Variants in CIT observed in about 807,000 individuals in gnomAD.
The protein encoded by CIT is citron rho-interacting serine/threonine kinase.
CIT carries 79 observed loss-of-function variants against 272.7 expected under a neutral mutation model. The observed-to-expected ratio is 0.29, with a 90% CI of 0.24 to 0.35. The LOEUF is 0.35. Among genes scored for constraint, CIT ranks in the 10% least tolerant of loss-of-function variants. CIT has a pLI of 1.00. For missense variants in CIT, 1,909 were observed against 2,618.3 expected (o/e 0.73, Z 5.91); for synonymous variants, 948 against 995.6 (o/e 0.95, Z 0.90).
At chr12:119,716,448 A>G (rs1440389577) in intron 32 of CIT, among the ~76,000 whole-genome samples, 1 of 151,148 alleles carries the variant, frequency 6.6e-6, no homozygotes, top group Non-Finnish European at 1.5e-5. Context: ...TTATATAAAC[A>G]CAGGAGGAAG....
rs572596420 is a variant in CIT at position 119,764,477 on chromosome 12, G to A, written c.2304+2610C>T. On this transcript the variant is annotated intron_variant, in intron 19 of 47. Coordinates refer to ENST00000392521, the MANE Select transcript of CIT (RefSeq NM_001206999.2). ...CAGAAAATTTAAAAATTACCCAGGC[G>A]TGGTGGCATGCACCTATAGTCCCAG... Among the ~76,000 whole-genome samples, 23 of 151,952 alleles carry A rather than the reference G, an allele frequency of 1.5e-4. No individual in the cohort carries two copies. The South Asian group carries it at 2.3e-3, about 15-fold the overall frequency.
chr12:119,783,638 G>A (rs1428887229), intron 12 of CIT: 4 of 286,970 alleles, frequency 1.4e-5, no homozygotes, highest in African/African-American at 2.2e-5. Flanking sequence ...TGCAACTTGC[G>A]GCAAAGATGG....
chr12:119,834,354 A>G, intron 5 of CIT, 126 bp from the exon 6 acceptor site: 1 of 825,274 alleles, frequency 1.2e-6, no homozygotes, highest in Non-Finnish European at 1.9e-6. Context: ...GAAGATGTGT[A>G]AGGCACGCTG....
In CIT at chr12:119,694,192, T is replaced by C. The variant is rs574924632; in HGVS notation, c.5882+3467A>G. ...CTTCAGGGCAGAAAACTCCACACTG[T>C]CCATCAGATTTACAAATCCACATCA... On this transcript the variant is annotated intron_variant, in intron 46 of 47. Coordinates refer to ENST00000392521, the MANE Select transcript of CIT (RefSeq NM_001206999.2). This position sits in a 1 kb window ranked among gnomAD's most constrained non-coding sequence, Gnocchi z 4.5. Among the ~76,000 whole-genome samples, 5 of 152,296 alleles carry C rather than the reference T, an allele frequency of 3.3e-5. No homozygotes were observed. In the East Asian group the frequency reaches 9.7e-4, roughly 29 times the overall value.
chr12:119,833,663 CAAAAAAAA>C (rs35433156), intron 6 of CIT, among the ~76,000 whole-genome samples: 12 of 83,846 alleles, frequency 1.4e-4, no homozygotes, highest in South Asian at 4.2e-4. Context: ...GACTCTGTCT[CAAAAAAAA>C]AAAAAAAAAA....
At chr12:119,824,774 C>T (rs1311650859) in intron 8 of CIT, among the ~76,000 whole-genome samples, 1 of 152,108 alleles carries the variant, frequency 6.6e-6, no homozygotes, top group African/African-American at 2.4e-5. Flanking sequence ...CATTCATTCA[C>T]ACAATTTTTT....
At chr12:119,776,481 T>C in intron 14 of CIT, 73 bp from the exon 15 acceptor site, 3 of 1,316,740 alleles carry the variant, frequency 2.3e-6, no homozygotes, top group Non-Finnish European at 2.2e-6. Flanking sequence ...ACTTTCTTGG[T>C]CTCTGTGACC....
rs773233219 is a variant in CIT at position 119,758,720 on chromosome 12, T to C, written c.2422-20A>G. On this transcript the variant is annotated intron_variant, in intron 20 of 47. Coordinates refer to ENST00000392521, the MANE Select transcript of CIT (RefSeq NM_001206999.2). ...GATCATCTGAAACACAGGGCACCTATGAAACTTCACACACCAGAACAGGAG... is the reference window on the plus strand; with the variant it reads ...GATCATCTGAAACACAGGGCACCTACGAAACTTCACACACCAGAACAGGAG... The C allele has an allele frequency of 6.6e-6, 10 of 1,508,536 alleles. No individual in the cohort carries two copies. Among genetic ancestry groups the C allele is most frequent in the South Asian group, 1.1e-5 (1 of 88,938 alleles). The allele number at this position is 1,508,536 out of a possible 1,614,324, so 93.4% of individuals were successfully genotyped here.
At chr12:119,751,979 C>CTCAGTGCCAG (rs1182533447) in intron 23 of CIT, 71 bp downstream of exon 23, 1 of 1,344,374 alleles carries the variant, frequency 7.4e-7, no homozygotes, top group Non-Finnish European at 1.0e-6. Context: ...AGCCAGTATA[C>CTCAGTGCCAG]TCAGTGCCAG....
At chr12:119,827,026 T>C (rs184059105) in intron 7 of CIT, among the ~76,000 whole-genome samples, 4 of 152,250 alleles carry the variant, frequency 2.6e-5, no homozygotes, top group African/African-American at 9.6e-5. Flanking sequence ...CTCCTCTCTT[T>C]TTACCTCTTC....
At chr12:119,806,892 ATAAAT>A (rs1245622002) in intron 9 of CIT, among the ~76,000 whole-genome samples, 1 of 152,210 alleles carries the variant, frequency 6.6e-6, no homozygotes, top group Non-Finnish European at 1.5e-5. Flanking sequence ...CTGAACTTCC[ATAAAT>A]AAAAAGTCTT....
At chr12:119,715,047 C>T (rs940855429) in intron 32 of CIT, among the ~76,000 whole-genome samples, 4 of 152,148 alleles carry the variant, frequency 2.6e-5, no homozygotes, top group Non-Finnish European at 5.9e-5. Flanking sequence ...CTGAATCATG[C>T]GGGTGGTTTC....
chr12:119,777,188 G>A, intron 13 of CIT, among the ~76,000 whole-genome samples: 1 of 152,072 alleles, frequency 6.6e-6, no homozygotes, highest in East Asian at 1.9e-4. Context: ...CCAGGAGGCA[G>A]AGGTTGCAGT....
Position 119,873,179 on chromosome 12 carries a change from C to G in CIT, c.96+2894G>C, listed in dbSNP as rs571701578. 1.2e-4 allele frequency among the ~76,000 whole-genome samples: 18 copies of G among 152,146 alleles called. 1 individual carries two copies. The South Asian group carries it at 3.7e-3, about 32-fold the overall frequency. On this transcript the variant is annotated intron_variant, in intron 2 of 47. Coordinates refer to ENST00000392521, the MANE Select transcript of CIT (RefSeq NM_001206999.2). Reference sequence around the variant, plus strand: ...TGAAGTGAGATACTCAGAAACATGCCAGTTCTATGCCAGACACATTGGAAG... The same window carrying G: ...TGAAGTGAGATACTCAGAAACATGCGAGTTCTATGCCAGACACATTGGAAG...
At chr12:119,723,687 C>G (rs1957932026) in intron 28 of CIT, among the ~76,000 whole-genome samples, 1 of 152,160 alleles carries the variant, frequency 6.6e-6, no homozygotes, top group South Asian at 2.1e-4. Flanking sequence ...ACAAGAAAAA[C>G]TTCAGTAGGG....
chr12:119,712,468 G>A lies in CIT; in HGVS notation c.4685-121C>T, dbSNP rs1215958550. 3.9e-5 allele frequency: 54 copies of A among 1,397,176 alleles called. No individual in the cohort carries two copies. The highest frequency in any genetic ancestry group is 2.1e-4 in the Middle Eastern group (1 of 4,866). The allele number at this position is 1,397,176 out of a possible 1,614,324, so 86.5% of individuals were successfully genotyped here. The stretch of plus-strand genomic sequence containing the variant: ...CGCAAATCCCAGTTACCGCCAAGGC[G>A]GGGAGCGGAGGAAGATGGGCCTCCT... On this transcript the variant is annotated intron_variant, in intron 36 of 47. Coordinates refer to ENST00000392521, the MANE Select transcript of CIT (RefSeq NM_001206999.2). The surrounding 1 kb of genome is among the most constrained non-coding windows in gnomAD (Gnocchi z 5.2).
chr12:119,713,131 G>C lies in CIT; in HGVS notation c.4579+72C>G. 8.8e-7 allele frequency: 1 copy of C among 1,137,764 alleles called. No homozygotes were observed. Among genetic ancestry groups the C allele is most frequent in the South Asian group, 1.4e-5 (1 of 73,164 alleles). The allele number at this position is 1,137,764 out of a possible 1,614,324, so 70.5% of individuals were successfully genotyped here. ...CTTGCAAGGCAGTCCAAAAAACAAA[G>C]CCTTCGCGCCAGCACTGGGGAGACC... On this transcript the variant is annotated intron_variant, in intron 35 of 47. Coordinates refer to ENST00000392521, the MANE Select transcript of CIT (RefSeq NM_001206999.2). The surrounding 1 kb of genome is among the most constrained non-coding windows in gnomAD (Gnocchi z 5.2).
intron 21 of CIT, among the ~76,000 whole-genome samples, chr12:119,758,318 T>C (rs1312113433): frequency 1.3e-5 from 2 of 152,198 alleles, no homozygotes; most frequent in Non-Finnish European, 2.9e-5. Flanking sequence ...GAACTGCAGC[T>C]TTCCACAAGC....
intron 19 of CIT, among the ~76,000 whole-genome samples, chr12:119,765,858 C>T (rs942666722): frequency 5.3e-5 from 8 of 151,988 alleles, no homozygotes; most frequent in East Asian, 1.9e-4. Flanking sequence ...AAAGAAAAAT[C>T]GAGCTGTCAC....
Sources: gnomAD v4.1 joint callset for allele counts (sites outside exome capture counted in the v4.1 genomes callset) on GRCh38, gnomAD v4.1.1 for gene constraint, Gnocchi (gnomAD v3.1) non-coding constraint, MANE v1.5 for transcripts, NCBI Gene and HGNC (gene_info 2026-07-23, HGNC 2026-07-21) for gene names.